GLG1: variants seen among roughly 807,000 people sequenced by gnomAD.
GLG1 encodes golgi glycoprotein 1.
In GLG1, 38 loss-of-function variants were observed where a neutral mutation model predicts 160.5. That is an observed-to-expected ratio of 0.24 (90% CI 0.18 to 0.31). The LOEUF (loss-of-function observed/expected upper bound fraction) is 0.31. GLG1 is among the 10% of genes least tolerant of loss of function. GLG1 has a pLI of 1.00. For synonymous variants in GLG1, 644 were observed against 543.4 expected (o/e 1.19, Z -2.57); for missense variants, 1,373 against 1,505.2 (o/e 0.91, Z 1.45).
intron 8 of GLG1, 73 bp from the exon 9 acceptor site, chr16:74,485,990 T>C (rs544637823): frequency 8.3e-7 from 1 of 1,199,116 alleles, no homozygotes; most frequent in South Asian, 1.3e-5. Flanking sequence ...TCTTCATACA[T>C]TCAGTTGCTC....
At position 74,588,505 on chromosome 16, in the gene GLG1, G is replaced by C. The variant is rs559899843; in HGVS notation, c.438+18152C>G. Reference sequence around the variant, plus strand: ...CCCATTCTGTTGCCACTGCAGCCTCGACTTCCCAGGCTCAGGTGATGCTCC... The same window carrying C: ...CCCATTCTGTTGCCACTGCAGCCTCCACTTCCCAGGCTCAGGTGATGCTCC... On this transcript the variant is annotated intron_variant, in intron 1 of 25. Coordinates refer to ENST00000422840, the MANE Select transcript of GLG1 (RefSeq NM_001145667.2). 3.0e-4 allele frequency among the ~76,000 whole-genome samples: 45 copies of C among 151,978 alleles called. No individual in the cohort carries two copies. In the South Asian group the frequency reaches 9.4e-3, roughly 32 times the overall value.
chr16:74,536,015 G>C (rs557594573), intron 1 of GLG1, among the ~76,000 whole-genome samples: 1 of 151,988 alleles, frequency 6.6e-6, no homozygotes, highest in Non-Finnish European at 1.5e-5. Context: ...AATAATGTCA[G>C]AATAAATGAA....
chr16:74,573,414 T>C (rs1484846619), intron 1 of GLG1, among the ~76,000 whole-genome samples: 1 of 152,134 alleles, frequency 6.6e-6, no homozygotes, highest in Non-Finnish European at 1.5e-5. Flanking sequence ...GTATCCACTC[T>C]CAGACATTCT....
intron 3 of GLG1, among the ~76,000 whole-genome samples, chr16:74,506,602 A>AAAAAAAC (rs1567489906): frequency 6.7e-6 from 1 of 149,272 alleles, no homozygotes. Context: ...AAAAAAAAAA[A>AAAAAAAC]AACTCAAGAG....
intron 1 of GLG1, among the ~76,000 whole-genome samples, chr16:74,596,003 G>A (rs1334986222): frequency 6.6e-6 from 1 of 152,034 alleles, no homozygotes; most frequent in Non-Finnish European, 1.5e-5. Context: ...CATGCCCATA[G>A]TCGCAGCCAC....
intron 1 of GLG1, among the ~76,000 whole-genome samples, chr16:74,598,625 G>A (rs572503293): frequency 2.0e-5 from 3 of 152,098 alleles, no homozygotes; most frequent in Non-Finnish European, 2.9e-5. Context: ...GGGCGCGGTG[G>A]CTCACGTCTG....
At chr16:74,524,445 G>A (rs1447884311) in intron 2 of GLG1, among the ~76,000 whole-genome samples, 1 of 151,898 alleles carries the variant, frequency 6.6e-6, no homozygotes, top group Non-Finnish European at 1.5e-5. Flanking sequence ...CTTCTAGGGT[G>A]GGTGCTAAAA....
At chr16:74,456,829 G>C (rs2014566254) in intron 24 of GLG1, 74 bp from the exon 25 acceptor site, 1 of 907,042 alleles carries the variant, frequency 1.1e-6, no homozygotes, top group African/African-American at 1.6e-5. Context: ...AGATGAGGAA[G>C]AGGGTGCACA....
intron 3 of GLG1, among the ~76,000 whole-genome samples, chr16:74,505,487 A>AG (rs1318478564): frequency 1.3e-5 from 2 of 152,128 alleles, no homozygotes; most frequent in Admixed American, 1.3e-4. Flanking sequence ...TGGAAGACCG[A>AG]GGGGGGTGGA....
At chr16:74,598,623 T>C (rs1267328706) in intron 1 of GLG1, among the ~76,000 whole-genome samples, 1 of 151,870 alleles carries the variant, frequency 6.6e-6, no homozygotes, top group Non-Finnish European at 1.5e-5. Flanking sequence ...CCGGGCGCGG[T>C]GGCTCACGTC....
At chr16:74,568,701 A>G (rs1313214658) in intron 1 of GLG1, among the ~76,000 whole-genome samples, 1 of 152,110 alleles carries the variant, frequency 6.6e-6, no homozygotes, top group Non-Finnish European at 1.5e-5. Context: ...TACAGGCATG[A>G]GCCACTGCGC....
intron 2 of GLG1, among the ~76,000 whole-genome samples, chr16:74,525,059 A>G (rs2017292406): frequency 6.6e-6 from 1 of 152,190 alleles, no homozygotes; most frequent in Admixed American, 6.5e-5. Flanking sequence ...GTTAATAGGC[A>G]TTTGGGCTGT....
intron 4 of GLG1, among the ~76,000 whole-genome samples, chr16:74,497,772 C>T (rs1301837543): frequency 6.6e-6 from 1 of 152,138 alleles, no homozygotes; most frequent in Non-Finnish European, 1.5e-5. Flanking sequence ...ACCAACAAAC[C>T]ACATAATCCA....
chr16:74,532,983 G>A (rs1295387534), intron 1 of GLG1, among the ~76,000 whole-genome samples: 1 of 152,158 alleles, frequency 6.6e-6, no homozygotes, highest in Non-Finnish European at 1.5e-5. Context: ...ATATTCCTAT[G>A]GATACATTTG....
chr16:74,496,836 A>C (rs1449912276), intron 4 of GLG1, among the ~76,000 whole-genome samples, 192 bp from the exon 5 acceptor site: 1 of 152,164 alleles, frequency 6.6e-6, no homozygotes, highest in Non-Finnish European at 1.5e-5. Flanking sequence ...AAGTTAAAGA[A>C]AATGCTCTCA....
At chr16:74,548,588 G>A (rs1252909732) in intron 1 of GLG1, among the ~76,000 whole-genome samples, 1 of 152,204 alleles carries the variant, frequency 6.6e-6, no homozygotes, top group Non-Finnish European at 1.5e-5. Context: ...GACATCAACA[G>A]CTTCTCCCAA....
intron 4 of GLG1, among the ~76,000 whole-genome samples, chr16:74,500,449 TAAC>T (rs1375024012): frequency 1.3e-5 from 2 of 149,340 alleles, no homozygotes; most frequent in Admixed American, 6.7e-5. Context: ...CCGTGTCCTT[TAAC>T]AACAACGGCC....
rs566480226 is a variant in GLG1, at chr16:74,544,297, T to C, written c.439-12144A>G. ...ACTAGCTGCAAGATCTTGGAAAAAT[T>C]ATTTAACATGTTTTTGTTTTGTTTT... On this transcript the variant is annotated intron_variant, in intron 1 of 25. Transcript: ENST00000422840. 7.9e-5 allele frequency among the ~76,000 whole-genome samples: 12 copies of C among 152,262 alleles called. No homozygotes were observed. The East Asian group carries it at 2.1e-3, about 27-fold the overall frequency.
chr16:74,498,448 G>GTGTATATATATATATATATA lies in GLG1; in HGVS notation c.775-1805_775-1804insTATATATATATATATATACA, dbSNP rs1491436581. Among the ~76,000 whole-genome samples the GTGTATATATATATATATATA allele has an allele frequency of 3.0e-3, 72 of 24,046 alleles. 12 individuals carry two copies. Among genetic ancestry groups the GTGTATATATATATATATATA allele is most frequent in the South Asian group, 6.4e-3 (3 of 468 alleles). The allele number at this position is 24,046 out of a possible 152,430, so 15.8% of individuals were successfully genotyped here. ...GGCTCTGTCTCAAAAAAAAAAAAAA[G>GTGTATATATATATATATATA]TATATATATATATATATATTATATT... On this transcript the variant is annotated intron_variant, in intron 4 of 25. Coordinates refer to ENST00000422840, the MANE Select transcript of GLG1 (RefSeq NM_001145667.2).
Sources: allele counts gnomAD v4.1 joint callset (sites outside exome capture counted in the v4.1 genomes callset), GRCh38; gene constraint gnomAD v4.1.1; transcripts MANE v1.5; gene names NCBI Gene and HGNC (gene_info 2026-07-23, HGNC 2026-07-21).